Variants in DDI2 observed in about 807,000 individuals in gnomAD.
DDI2 encodes the protein DDI proteasomal shuttling factor 2.
A neutral mutation model predicts 48.1 loss-of-function variants in DDI2; 5 were observed. The ratio of observed to expected loss-of-function variants is 0.10; its 90% confidence interval spans 0.05 to 0.22. The LOEUF (loss-of-function observed/expected upper bound fraction) is 0.22, where lower values mean the gene tolerates loss of function less well. DDI2 is among the 10% of genes least tolerant of loss of function. The pLI, the probability that DDI2 is intolerant of heterozygous loss-of-function variation, is 1.00. For synonymous variants in DDI2, 205 were observed against 183.6 expected, an observed-to-expected ratio of 1.12 and a Z score of -0.94; for missense variants, 285 against 506.2, an observed-to-expected ratio of 0.56 and a Z score of 4.19.
chr1:15,662,756 G>GTTAA lies in DDI2; in HGVS notation c.*2968_*2971dup, dbSNP rs1640401691. The GTTAA allele has an allele frequency of 6.6e-6, 1 of 152,328 alleles. No individual in the cohort carries two copies. Among genetic ancestry groups the GTTAA allele is most frequent in the South Asian group, 2.1e-4 (1 of 4,832 alleles). 9.4% of individuals were successfully genotyped at this position (152,328 alleles called of 1,614,324 possible). A position where few individuals can be genotyped will look rare whatever the true frequency, so the allele number is the denominator to read the frequency against. On this transcript the variant is annotated 3_prime_UTR_variant, in exon 10 of 10. Transcript: ENST00000480945. ...ACTAAGTGTGATAACCTTGTCACTG[G>GTTAA]TTAATCTTGGTGCTTGGAACGGTCA...
intron 4 of DDI2, among the ~76,000 whole-genome samples, chr1:15,635,493 C>T (rs1481350061): frequency 6.6e-6 from 1 of 152,158 alleles, no homozygotes; most frequent in African/African-American, 2.4e-5. Flanking sequence ...GCAGCCTCCG[C>T]CTCCCAAGTT....
chr1:15,626,687 C>G lies in DDI2; in HGVS notation c.157C>G (p.Pro53Ala). Residue 53 changes from proline to alanine, a missense_variant, in exon 2 of 10, where the codon CCT (proline) becomes GCT (alanine). Pro to Ala is a conservative substitution (Grantham distance 27). This residue lies in a region of DDI2 where 149 missense variants were observed against 236.5 expected (regional missense o/e 0.63). Transcript: ENST00000480945. ...GTTGTAGATCGTCTATGCGGAAAGA[C>G]CTCTCACAGACAACCACAGATCATT... ...AESQIVYAERPLTDNHRSLAS... is the reference protein window; with the variant it reads ...AESQIVYAERALTDNHRSLAS... 1 of 1,614,046 alleles carries G rather than the reference C, an allele frequency of 6.2e-7. No individual in the cohort carries two copies. Among genetic ancestry groups the G allele is most frequent in the Non-Finnish European group, 8.5e-7 (1 of 1,179,986 alleles).
chr1:15,641,955 CAAAAAAAAA>C (rs57716922), intron 5 of DDI2, among the ~76,000 whole-genome samples: 1 of 79,384 alleles, frequency 1.3e-5, no homozygotes, highest in Admixed American at 1.6e-4. Context: ...AATTCAGTCT[CAAAAAAAAA>C]AAAAAAAAAA....
At chr1:15,630,676 G>GT (rs1002511781) in intron 3 of DDI2, 115 bp downstream of exon 3, 1 of 753,570 alleles carries the variant, frequency 1.3e-6, no homozygotes, top group Non-Finnish European at 2.2e-6. Context: ...GAACATACCA[G>GT]TTTTTTCTCT....
At chr1:15,639,145 A>C (rs950290018) in intron 5 of DDI2, among the ~76,000 whole-genome samples, 1 of 152,058 alleles carries the variant, frequency 6.6e-6, no homozygotes, top group African/African-American at 2.4e-5. Context: ...CTTAACAACC[A>C]AGTAAGGAGA....
intron 1 of DDI2, among the ~76,000 whole-genome samples, chr1:15,625,799 A>G (rs1002612207): frequency 6.6e-6 from 1 of 152,136 alleles, no homozygotes; most frequent in Non-Finnish European, 1.5e-5. Context: ...TTGTATTTTT[A>G]GTAGAGACGG....
At chr1:15,622,736 C>T (rs1269419531) in intron 1 of DDI2, among the ~76,000 whole-genome samples, 1 of 152,138 alleles carries the variant, frequency 6.6e-6, no homozygotes, top group African/African-American at 2.4e-5. Flanking sequence ...GTTGGAAGAT[C>T]ACATGGATTT....
Position 15,649,739 on chromosome 1 carries a change from A to G in DDI2, c.909A>G (p.Gly303=). The G allele has an allele frequency of 6.2e-7, 1 of 1,613,206 alleles. No individual in the cohort carries two copies. ...RVHLAQVQIE[G]DFLPCSFSIL... is the part of the protein sequence containing the mutation. The stretch of plus-strand genomic sequence containing the variant: ...TTTTAGCTCAGGTTCAGATTGAAGG[A>G]GATTTTTTGCCATGTTCCTTCTCTA... The change falls in exon 7 of 10, where the codon GGA becomes GGG. Residue 303 remains glycine (G), a synonymous_variant. Coordinates refer to ENST00000480945, the MANE Select transcript of DDI2 (RefSeq NM_032341.5).
intron 3 of DDI2, among the ~76,000 whole-genome samples, chr1:15,631,369 G>A (rs12082857): frequency 0.032 from 4,916 of 152,268 alleles, 268 homozygotes; most frequent in African/African-American, 0.11. Context: ...GCCTGCCTTG[G>A]CCTCCCAAAG....
intron 1 of DDI2, among the ~76,000 whole-genome samples, chr1:15,618,676 A>G (rs1457147310): frequency 6.6e-6 from 1 of 152,210 alleles, no homozygotes; most frequent in African/African-American, 2.4e-5. Context: ...GTAATTCTCA[A>G]AATGCTTTGG....
chr1:15,651,870 C>T lies in DDI2; in HGVS notation c.1158C>T (p.Ala386=), dbSNP rs1237309848. 1 of 1,613,294 alleles carries T rather than the reference C, an allele frequency of 6.2e-7. No individual in the cohort carries two copies. The highest frequency in any genetic ancestry group is 1.1e-5 in the South Asian group (1 of 90,974). ...EEIADQELAE[A]LQKSAEDAER... ...TTGCAGACCAAGAATTAGCAGAAGCCCTTCAAAAATCAGCAGAGGATGCAG... is the reference window on the plus strand; with the variant it reads ...TTGCAGACCAAGAATTAGCAGAAGCTCTTCAAAAATCAGCAGAGGATGCAG... The change falls in exon 8 of 10, where the codon GCC becomes GCT. Residue 386 remains alanine (A), a synonymous_variant. Transcript: ENST00000480945.
chr1:15,653,013 G>A (rs1260764168), intron 8 of DDI2, among the ~76,000 whole-genome samples: 1 of 151,960 alleles, frequency 6.6e-6, no homozygotes, highest in Non-Finnish European at 1.5e-5. Context: ...TCATAAAAAA[G>A]AGAAACATTC....
Position 15,661,357 on chromosome 1 carries a change from T to C in DDI2, c.*1567T>C. On this transcript the variant is annotated 3_prime_UTR_variant, in exon 10 of 10. Transcript: ENST00000480945. ...AGGTGTAGAAATTTCACCCAAACTT[T>C]TAGCAGGTGAGGAGGATGCACTCAA... 6.2e-7 allele frequency: 1 copy of C among 1,614,130 alleles called. No individual in the cohort carries two copies. Among genetic ancestry groups the C allele is most frequent in the East Asian group, 2.2e-5 (1 of 44,882 alleles).
At chr1:15,645,243 G>C (rs962226229) in intron 6 of DDI2, among the ~76,000 whole-genome samples, 2 of 152,100 alleles carry the variant, frequency 1.3e-5, no homozygotes, top group Non-Finnish European at 2.9e-5. Context: ...TCAGTGTTTT[G>C]AATTTTCACA....
rs372893507 is a variant in DDI2, at chr1:15,668,945, C to A, written c.*9155C>A. On this transcript the variant is annotated 3_prime_UTR_variant, in exon 10 of 10. Transcript: ENST00000480945. The stretch of plus-strand genomic sequence containing the variant: ...GTAAGTCAGCCCTAAATAATCAAAA[C>A]ACTTTATTTTATTTTTCTTTTTTTA... The A allele has an allele frequency of 6.6e-6, 1 of 152,198 alleles. No homozygotes were observed. Among genetic ancestry groups the A allele is most frequent in the Non-Finnish European group, 1.5e-5 (1 of 68,040 alleles). 9.4% of individuals were successfully genotyped at this position (152,198 alleles called of 1,614,324 possible).
intron 1 of DDI2, among the ~76,000 whole-genome samples, chr1:15,619,013 A>C (rs1265718143): frequency 6.6e-6 from 1 of 152,234 alleles, no homozygotes; most frequent in Non-Finnish European, 1.5e-5. Context: ...GAATTTAAAA[A>C]GTTAATCCAC....
chr1:15,660,030 G>A lies in DDI2; in HGVS notation c.*240G>A, dbSNP rs764765870. On this transcript the variant is annotated 3_prime_UTR_variant, in exon 10 of 10. Transcript: ENST00000480945. ...ATCGCATTGAACCTAAAGCTGTGAA[G>A]GCTTTGAAGGCTTCAGCTGAATTCC... is the stretch of plus-strand genomic sequence containing the variant. The A allele has an allele frequency of 9.9e-6, 16 of 1,613,956 alleles. No homozygotes were observed. Among genetic ancestry groups the A allele is most frequent in the Non-Finnish European group, 1.1e-5 (13 of 1,180,018 alleles).
intron 3 of DDI2, among the ~76,000 whole-genome samples, chr1:15,632,945 CAG>C (rs1347392028): frequency 2.3e-5 from 2 of 87,696 alleles, no homozygotes; most frequent in African/African-American, 1.1e-4. Context: ...AAAAAAAAAA[CAG>C]GGTCTCACCA....
chr1:15,644,590 T>G lies in DDI2; in HGVS notation c.889+940T>G, dbSNP rs1422200690. Among the ~76,000 whole-genome samples, 6 of 116,936 alleles carry G rather than the reference T, an allele frequency of 5.1e-5. No homozygotes were observed. The South Asian group carries it at 1.4e-3, about 27-fold the overall frequency. The allele number at this position is 116,936 out of a possible 152,430, so 76.7% of individuals were successfully genotyped here. ...CTTTTTCTTTTCAGTTTTTTTTGTT[T>G]TTTTTTTTTTTTTTTTTTTTTGAGA... On this transcript the variant is annotated intron_variant, in intron 6 of 9. Transcript: ENST00000480945.
Sources: allele counts gnomAD v4.1 joint callset (sites outside exome capture counted in the v4.1 genomes callset), GRCh38; gene constraint gnomAD v4.1.1; regional missense constraint gnomAD v4.1.1; transcripts MANE v1.5; gene names NCBI Gene and HGNC (gene_info 2026-07-23, HGNC 2026-07-21).